The following NBAS variants were observed in gnomAD, a reference collection of about 807,000 sequenced individuals.
The protein encoded by NBAS is NBAS subunit of NRZ tethering complex.
Under a neutral mutation model 302.5 loss-of-function variants are expected in NBAS, and 219 were observed. The ratio of observed to expected loss-of-function variants is 0.72; its 90% confidence interval spans 0.65 to 0.81. NBAS has a LOEUF of 0.81. Among genes scored for constraint, NBAS ranks in the 30% least tolerant of loss-of-function variants. NBAS has a pLI of 0.00. For synonymous variants in NBAS, 1,118 were observed against 1,021.6 expected, an observed-to-expected ratio of 1.09 and a Z score of -1.80; for missense variants, 2,932 against 2,841.6, an observed-to-expected ratio of 1.03 and a Z score of -0.72.
chr2:15,236,644 G>C (rs966453506), intron 45 of NBAS, among the ~76,000 whole-genome samples: 1 of 147,944 alleles, frequency 6.8e-6, no homozygotes, highest in African/African-American at 2.5e-5. Flanking sequence ...AATAATTTTA[G>C]ATGTGTTTAT....
chr2:15,292,823 T>C lies in NBAS; in HGVS notation c.4798-57A>G. 3 of 1,506,508 alleles carry C rather than the reference T, an allele frequency of 2.0e-6. No individual in the cohort carries two copies. In the South Asian group the frequency reaches 3.4e-5, roughly 17 times the overall value. The allele number at this position is 1,506,508 out of a possible 1,614,324, so 93.3% of individuals were successfully genotyped here. ...CCAACATCATACAAACACGAGCAAG[T>C]GAGTAACAAATGGAAGAAGACCATG... is the stretch of plus-strand genomic sequence containing the variant. On this transcript the variant is annotated intron_variant, in intron 40 of 51. Coordinates refer to ENST00000281513, the MANE Select transcript of NBAS (RefSeq NM_015909.4).
At chr2:14,874,918 A>G in the NBAS span, among the ~76,000 whole-genome samples, 1 of 152,176 alleles carries the variant, frequency 6.6e-6, no homozygotes, top group Non-Finnish European at 1.5e-5. Context: ...GGCTATCACA[A>G]TAGATGCAAA....
the NBAS span, among the ~76,000 whole-genome samples, chr2:15,035,645 A>G: frequency 6.6e-6 from 1 of 152,214 alleles, no homozygotes; most frequent in Non-Finnish European, 1.5e-5. Context: ...TATATCATGG[A>G]ATACTATGCA....
intron 21 of NBAS, among the ~76,000 whole-genome samples, chr2:15,453,325 G>A (rs752104243): frequency 5.9e-5 from 9 of 152,138 alleles, no homozygotes; most frequent in Non-Finnish European, 1.3e-4. Context: ...TCTGCCAACA[G>A]GATTGTCATA....
At chr2:15,478,685 C>A (rs1396052281) in intron 12 of NBAS, among the ~76,000 whole-genome samples, 2 of 152,152 alleles carry the variant, frequency 1.3e-5, no homozygotes, top group Non-Finnish European at 2.9e-5. Context: ...CTTTAATTTT[C>A]AAAGCTTTGA....
At chr2:15,369,060 G>T (rs1674360209) in intron 31 of NBAS, among the ~76,000 whole-genome samples, 1 of 152,098 alleles carries the variant, frequency 6.6e-6, no homozygotes, top group Non-Finnish European at 1.5e-5. Flanking sequence ...ATTTTATGGG[G>T]CTTTTTCCAG....
intron 16 of NBAS, 44 bp from the exon 17 acceptor site, chr2:15,468,577 A>G (rs778042195): frequency 1.3e-6 from 2 of 1,595,508 alleles, no homozygotes; most frequent in Non-Finnish European, 1.7e-6. Context: ...AATCCATGAC[A>G]TCTTACAACA....
chr2:15,453,916 C>CT (rs1414886723), intron 21 of NBAS, among the ~76,000 whole-genome samples: 1 of 152,012 alleles, frequency 6.6e-6, no homozygotes, highest in Non-Finnish European at 1.5e-5. Flanking sequence ...GTAGTTGGGA[C>CT]TATAGCTGTG....
chr2:15,422,169 C>G (rs1677243991), intron 23 of NBAS, among the ~76,000 whole-genome samples: 1 of 152,206 alleles, frequency 6.6e-6, no homozygotes, highest in African/African-American at 2.4e-5. Context: ...CTGATCTTTT[C>G]ACTGACTCCA....
At chr2:14,870,959 TA>T in the NBAS span, among the ~76,000 whole-genome samples, 378 of 143,742 alleles carry the variant, frequency 2.6e-3, 2 homozygotes, top group African/African-American at 9.1e-3. Flanking sequence ...CTTGAAGACA[TA>T]AAAAAAAAGT....
the NBAS span, among the ~76,000 whole-genome samples, chr2:14,980,518 G>C: frequency 6.6e-6 from 1 of 152,148 alleles, no homozygotes; most frequent in African/African-American, 2.4e-5. Context: ...TCTAATTTCT[G>C]CTGTGGGAGA....
the NBAS span, among the ~76,000 whole-genome samples, chr2:14,921,429 G>GA: frequency 2.6e-5 from 4 of 152,250 alleles, no homozygotes; most frequent in African/African-American, 7.2e-5. Context: ...CATGCTGATG[G>GA]AAAAAAGTGC....
intron 11 of NBAS, among the ~76,000 whole-genome samples, chr2:15,491,369 A>C (rs1218289732): frequency 6.6e-6 from 1 of 152,204 alleles, no homozygotes; most frequent in Non-Finnish European, 1.5e-5. Flanking sequence ...CTCCCAATTT[A>C]CTGCTATTAA....
chr2:15,217,122 C>T (rs971991395), intron 48 of NBAS, among the ~76,000 whole-genome samples: 4 of 152,190 alleles, frequency 2.6e-5, no homozygotes, highest in Non-Finnish European at 5.9e-5. Context: ...CCTATGCCTT[C>T]GTGTCCCTAG....
the NBAS span, among the ~76,000 whole-genome samples, chr2:15,129,897 AGC>A: frequency 2.0e-5 from 3 of 152,224 alleles, no homozygotes; most frequent in African/African-American, 4.8e-5. Context: ...TCATACAGTA[AGC>A]GCTCAGACAT....
At chr2:15,245,921 G>C (rs1668078043) in intron 44 of NBAS, among the ~76,000 whole-genome samples, 1 of 152,082 alleles carries the variant, frequency 6.6e-6, no homozygotes, top group Non-Finnish European at 1.5e-5. Flanking sequence ...CTTAGCTAAG[G>C]GTTGTACAGA....
chr2:15,495,465 T>G (rs1681031194), intron 11 of NBAS, among the ~76,000 whole-genome samples: 1 of 151,606 alleles, frequency 6.6e-6, no homozygotes, highest in Non-Finnish European at 1.5e-5. Context: ...AAATAATTTT[T>G]AAGAGAAAAA....
chr2:15,463,269 G>A (rs1020941249), intron 19 of NBAS, among the ~76,000 whole-genome samples: 12 of 151,992 alleles, frequency 7.9e-5, no homozygotes, highest in Admixed American at 1.3e-4. Context: ...GCAAGACCCC[G>A]TTTCACAAAA....
chr2:14,908,132 G>A, the NBAS span, among the ~76,000 whole-genome samples: 1 of 152,198 alleles, frequency 6.6e-6, no homozygotes, highest in South Asian at 2.1e-4. Flanking sequence ...GGGAGGCCGA[G>A]GCAGGCGGAT....
Sources: gnomAD v4.1 joint callset for allele counts (sites outside exome capture counted in the v4.1 genomes callset) on GRCh38, gnomAD v4.1.1 for gene constraint, MANE v1.5 for transcripts, NCBI Gene and HGNC (gene_info 2026-07-23, HGNC 2026-07-21) for gene names.